USP31: variants seen among roughly 807,000 people sequenced by gnomAD.
USP31 encodes ubiquitin specific peptidase 31.
Under a neutral mutation model 119.4 loss-of-function variants are expected in USP31, and 44 were observed. The observed-to-expected ratio is 0.37, with a 90% CI of 0.29 to 0.47. The LOEUF (loss-of-function observed/expected upper bound fraction) is 0.47. USP31 is among the 20% of genes least tolerant of loss of function. The pLI is 0.99. For missense variants in USP31, 1,643 were observed against 1,730.2 expected (o/e 0.95, Z 0.89); for synonymous variants, 749 against 705.6 (o/e 1.06, Z -0.97).
At chr16:23,100,162 G>T (rs947966528) in intron 6 of USP31, among the ~76,000 whole-genome samples, 1 of 152,160 alleles carries the variant, frequency 6.6e-6, no homozygotes. Context: ...CAACCCAGCA[G>T]TTCTATTCCC....
chr16:23,065,144 A>G lies in USP31; in HGVS notation c.*2902T>C, dbSNP rs1900013520. 1 of 152,122 alleles carries G rather than the reference A, an allele frequency of 6.6e-6. No individual in the cohort carries two copies. The highest frequency in any genetic ancestry group is 6.5e-5 in the Admixed American group (1 of 15,276). 9.4% of individuals were successfully genotyped at this position (152,122 alleles called of 1,614,324 possible). ...ATCAAGAATAAAACTTTAAAAAGCA[A>G]ACAAACATTACAGATACAACATTAC... On this transcript the variant is annotated 3_prime_UTR_variant, in exon 16 of 16. Coordinates refer to ENST00000219689, the MANE Select transcript of USP31 (RefSeq NM_020718.4).
chr16:23,120,702 A>G (rs535121135), intron 1 of USP31, among the ~76,000 whole-genome samples: 1 of 152,350 alleles, frequency 6.6e-6, no homozygotes, highest in East Asian at 1.9e-4. Context: ...TAGAGGAGGA[A>G]CATACAGACA....
chr16:23,072,213 C>T lies in USP31; in HGVS notation c.2336-16G>A, dbSNP rs754377591. Reference sequence around the variant, plus strand: ...CTTGTGGAGCCTGCAGAGAAGAAAACAGGCATAGAGGTCAGGCTGGGGTCC... The same window carrying T: ...CTTGTGGAGCCTGCAGAGAAGAAAATAGGCATAGAGGTCAGGCTGGGGTCC... On this transcript the variant is annotated splice_polypyrimidine_tract_variant and intron_variant, in intron 14 of 15. Coordinates refer to ENST00000219689, the MANE Select transcript of USP31 (RefSeq NM_020718.4). 2 of 1,600,768 alleles carry T rather than the reference C, an allele frequency of 1.2e-6. No homozygotes were observed. The highest frequency in any genetic ancestry group is 1.7e-5 in the Admixed American group (1 of 59,424).
In USP31 at chr16:23,120,114, T is replaced by G. The variant is rs950888249; in HGVS notation, c.634-11931A>C. The stretch of plus-strand genomic sequence containing the variant: ...TCTTTCTCATTTTTCCAACACAATC[T>G]ACAATTCAAAACTATAGTAAAACAA... On this transcript the variant is annotated intron_variant, in intron 1 of 15. Transcript: ENST00000219689. Among the ~76,000 whole-genome samples the G allele has an allele frequency of 2.0e-5, 3 of 152,108 alleles. No homozygotes were observed. The East Asian group carries it at 5.8e-4, about 29-fold the overall frequency.
At chr16:23,089,627 T>G (rs965742159) in intron 7 of USP31, among the ~76,000 whole-genome samples, 1 of 152,244 alleles carries the variant, frequency 6.6e-6, no homozygotes, top group African/African-American at 2.4e-5. Context: ...TAAAGGCTAT[T>G]CTAACAAATG....
intron 2 of USP31, 112 bp downstream of exon 2, chr16:23,107,934 A>G: frequency 7.5e-7 from 1 of 1,330,322 alleles, no homozygotes; most frequent in Non-Finnish European, 1.0e-6. Context: ...TCTTATACTC[A>G]CCCAGAGCTT....
rs1901920377 is a variant in USP31 at position 23,102,451 on chromosome 16, C to T, written c.1102G>A (p.Glu368Lys). The T allele has an allele frequency of 2.5e-6, 4 of 1,603,210 alleles. No homozygotes were observed. The highest frequency in any genetic ancestry group is 1.3e-5 in the African/African-American group (1 of 74,234). Residue 368 changes from glutamate (E) to lysine (K), a missense_variant, in exon 6 of 16, where the codon GAA (glutamate) becomes AAA (lysine). Glu to Lys is a moderately conservative substitution (Grantham distance 56). Transcript: ENST00000219689. The part of the protein sequence containing the change: ...KIPTDQIVLT[E>K]MYYDGFHRSF... ...CGATGGAACCCATCATAGTACATTT[C>T]TGTTAACACAATCTAAAAATAGGAA...
At position 23,068,164 on chromosome 16, in the gene USP31, G is replaced by A; in HGVS notation, c.3941C>T (p.Ser1314Phe). Residue 1314 changes from serine (S) to phenylalanine (F), a missense_variant, in exon 16 of 16, where the codon TCC becomes TTC. Transcript: ENST00000219689. The stretch of plus-strand genomic sequence containing the variant: ...CGAGGGAACTCCAGAGTCTAGTTGG[G>A]AAGACTTGGATTTGCGAGCGGACAG... ...SLLSARKSKSSQLDSGVPSSP... is the reference protein window; with the variant it reads ...SLLSARKSKSFQLDSGVPSSP... 1 of 1,614,204 alleles carries A rather than the reference G, an allele frequency of 6.2e-7. No individual in the cohort carries two copies. The highest frequency in any genetic ancestry group is 2.2e-5 in the East Asian group (1 of 44,870).
chr16:23,124,111 T>C (rs764048712), intron 1 of USP31, among the ~76,000 whole-genome samples: 1 of 151,928 alleles, frequency 6.6e-6, no homozygotes, highest in African/African-American at 2.4e-5. Context: ...AAAGGAAATA[T>C]CATAGCAGAA....
At chr16:23,099,941 T>C (rs1261939703) in intron 6 of USP31, among the ~76,000 whole-genome samples, 1 of 152,202 alleles carries the variant, frequency 6.6e-6, no homozygotes, top group Non-Finnish European at 1.5e-5. Context: ...CTCAACATCA[T>C]GTCAGTGACA....
chr16:23,083,067 C>T (rs924747583), intron 11 of USP31, among the ~76,000 whole-genome samples: 3 of 151,980 alleles, frequency 2.0e-5, no homozygotes, highest in Non-Finnish European at 4.4e-5. Context: ...TGAACTCAGG[C>T]GATCCGTCCA....
Position 23,079,929 on chromosome 16 carries a change from C to A in USP31, c.2176+17G>T. On this transcript the variant is annotated intron_variant, in intron 13 of 15. Transcript: ENST00000219689. ...AGGACTCGCCAGCACAGACACGCAG[C>A]CTCTCACACTGCAGACCTGTGTAGT... 1.3e-6 allele frequency: 2 copies of A among 1,575,170 alleles called. No homozygotes were observed. Among genetic ancestry groups the A allele is most frequent in the Non-Finnish European group, 1.7e-6 (2 of 1,162,378 alleles).
At chr16:23,072,348 T>C (rs779798843) in intron 14 of USP31, 151 bp from the exon 15 acceptor site, 16 of 1,028,210 alleles carry the variant, frequency 1.6e-5, no homozygotes, top group Non-Finnish European at 1.6e-5. Context: ...CCCTGTGTCA[T>C]GTCGTGCCTG....
At chr16:23,128,306 T>G (rs1225589327) in intron 1 of USP31, among the ~76,000 whole-genome samples, 5 of 152,174 alleles carry the variant, frequency 3.3e-5, no homozygotes, top group Admixed American at 3.3e-4. Flanking sequence ...GATCCTTGCA[T>G]TCTCGTTTGA....
chr16:23,127,010 G>C (rs902970837), intron 1 of USP31, among the ~76,000 whole-genome samples: 11 of 152,300 alleles, frequency 7.2e-5, no homozygotes, highest in Non-Finnish European at 1.0e-4. Context: ...GACAGAGCTA[G>C]ATTTCTGAAT....
intron 12 of USP31, among the ~76,000 whole-genome samples, chr16:23,082,163 G>A (rs1342716809): frequency 6.6e-6 from 1 of 152,176 alleles, no homozygotes. Context: ...TCTCTACTTA[G>A]TTCTTTTTAA....
At chr16:23,087,608 G>A (rs890611616) in intron 8 of USP31, 116 bp downstream of exon 8, 6 of 909,924 alleles carry the variant, frequency 6.6e-6, no homozygotes, top group African/African-American at 5.0e-5. Context: ...ATAAAATGAG[G>A]GATAAATTCT....
At chr16:23,142,007 T>C (rs1370795409) in intron 1 of USP31, among the ~76,000 whole-genome samples, 1 of 152,248 alleles carries the variant, frequency 6.6e-6, no homozygotes, top group African/African-American at 2.4e-5. Flanking sequence ...AAACAGCTTC[T>C]CTATAAGCAG....
intron 5 of USP31, among the ~76,000 whole-genome samples, chr16:23,104,022 C>T (rs1056100753): frequency 2.0e-5 from 3 of 152,206 alleles, no homozygotes; most frequent in Non-Finnish European, 2.9e-5. Context: ...TGCTCAGCCA[C>T]GCTGTCTAGT....
Sources: gnomAD v4.1 joint callset for allele counts (sites outside exome capture counted in the v4.1 genomes callset) on GRCh38, gnomAD v4.1.1 for gene constraint, MANE v1.5 for transcripts, NCBI Gene and HGNC (gene_info 2026-07-23, HGNC 2026-07-21) for gene names.